Variants in PIP4P2 observed in about 807,000 individuals in gnomAD.
The protein encoded by PIP4P2 is type 2 phosphatidylinositol 4,5-bisphosphate 4-phosphatase.
Under a neutral mutation model 33.3 loss-of-function variants are expected in PIP4P2, and 19 were observed. That is an observed-to-expected ratio of 0.57 (90% CI 0.40 to 0.84). The LOEUF is 0.84. Among genes scored for constraint, PIP4P2 ranks in the 40% least tolerant of loss-of-function variants. The pLI is 0.00. For missense variants in PIP4P2, 270 were observed against 324.7 expected (o/e 0.83, Z 1.29); for synonymous variants, 110 against 111.9 (o/e 0.98, Z 0.11).
At chr8:91,032,707 G>A (rs903303614) in intron 1 of PIP4P2, among the ~76,000 whole-genome samples, 1 of 150,358 alleles carries the variant, frequency 6.7e-6, no homozygotes, top group Non-Finnish European at 1.5e-5. Context: ...CTTGAACCTA[G>A]GAGGTAGGGG....
chr8:91,009,577 T>C (rs188546949), intron 4 of PIP4P2, among the ~76,000 whole-genome samples: 18 of 152,106 alleles, frequency 1.2e-4, no homozygotes, highest in African/African-American at 4.1e-4. Context: ...TTTCTTTAAG[T>C]ACTTTGGCAG....
intron 1 of PIP4P2, among the ~76,000 whole-genome samples, chr8:91,039,234 C>T (rs1156982827): frequency 6.6e-6 from 1 of 152,126 alleles, no homozygotes; most frequent in Non-Finnish European, 1.5e-5. Flanking sequence ...GTAAAATATT[C>T]ATATCAAATT....
intron 1 of PIP4P2, among the ~76,000 whole-genome samples, chr8:91,025,043 T>A (rs189101200): frequency 7.2e-5 from 11 of 152,244 alleles, no homozygotes; most frequent in Non-Finnish European, 1.2e-4. Context: ...TCTCCTTTAA[T>A]AAATAATGAC....
chr8:91,032,780 CAAAAAAAAA>C (rs34482470), intron 1 of PIP4P2, among the ~76,000 whole-genome samples: 3 of 98,748 alleles, frequency 3.0e-5, no homozygotes, highest in African/African-American at 8.1e-5. Flanking sequence ...GAGTCTGTCT[CAAAAAAAAA>C]AAAAAAAAAA....
chr8:91,036,659 T>A (rs2130385047), intron 1 of PIP4P2, among the ~76,000 whole-genome samples: 1 of 152,344 alleles, frequency 6.6e-6, no homozygotes, highest in African/African-American at 2.4e-5. Context: ...CTCTAGCCAA[T>A]CCTCTAATTC....
rs1275582950 is a variant in PIP4P2 at position 91,020,300 on chromosome 8, C to G, written c.256-37G>C. The G allele has an allele frequency of 2.5e-6, 4 of 1,576,672 alleles. No individual in the cohort carries two copies. The East Asian group carries it at 9.0e-5, about 35-fold the overall frequency. ...AAGAAAATGCAAACACAGCAATTAA[C>G]CAAAGTACAGATTGTCAAAGTTTGT... On this transcript the variant is annotated intron_variant, in intron 2 of 6. Coordinates refer to ENST00000285419, the MANE Select transcript of PIP4P2 (RefSeq NM_018710.3).
intron 5 of PIP4P2, among the ~76,000 whole-genome samples, chr8:91,000,749 T>C (rs1226777903): frequency 1.3e-5 from 2 of 152,022 alleles, no homozygotes; most frequent in African/African-American, 4.8e-5. Flanking sequence ...TTGGATTTCA[T>C]TGTTCTTTTT....
chr8:91,018,421 AC>A lies in PIP4P2; in HGVS notation c.454del (p.Val152SerfsTer15). On this transcript the variant is annotated frameshift_variant, in exon 4 of 7. Transcript: ENST00000285419. LOFTEE classifies it high-confidence loss of function. ...TGTGTTTCCACAGTGCCCACACACG[AC>A]CCTTGTACCTTCTGGTTGGATTGGC... The part of the protein sequence containing the change: ...ALPIQPEGTR[V>X]VCGHCGNTFL... 6.2e-7 allele frequency: 1 copy of A among 1,613,956 alleles called. No homozygotes were observed.
chr8:91,008,533 G>C (rs1811790916), intron 5 of PIP4P2, among the ~76,000 whole-genome samples: 2 of 152,072 alleles, frequency 1.3e-5, no homozygotes, highest in African/African-American at 4.8e-5. Context: ...TTTCCCTTTA[G>C]ATGATGATAA....
In PIP4P2 at chr8:91,008,828, A is replaced by G. The variant is rs776653522; in HGVS notation, c.487-33T>C. 4 of 1,526,684 alleles carry G rather than the reference A, an allele frequency of 2.6e-6. No individual in the cohort carries two copies. The South Asian group carries it at 4.6e-5, about 18-fold the overall frequency. The allele number at this position is 1,526,684 out of a possible 1,614,324, so 94.6% of individuals were successfully genotyped here. A position where few individuals can be genotyped will look rare whatever the true frequency, so the allele number is the denominator to read the frequency against. On this transcript the variant is annotated intron_variant, in intron 4 of 6. Transcript: ENST00000285419. The stretch of plus-strand genomic sequence containing the variant: ...ATAAACAAAGAGAGGAATTGAAAAG[A>G]AAACAACTGAAAACTATCCAATCTG...
rs773824790 is a variant in PIP4P2, at chr8:91,018,509, G to A, written c.367C>T (p.Arg123Trp). ...RIGCPRPNCR[R>W]IINLGPVMLI... ...ATTACTGGGCCAAGGTTAATTATCC[G>A]TCTACTGTGAAAAGAGAAAGGAAAC... Residue 123 changes from arginine to tryptophan, a missense_variant, in exon 4 of 7, where the codon CGG (arginine) becomes TGG (tryptophan). By Grantham distance (101) the Arg-to-Trp change is moderately radical. Transcript: ENST00000285419. 19 of 1,612,666 alleles carry A rather than the reference G, an allele frequency of 1.2e-5. No individual in the cohort carries two copies. Among genetic ancestry groups the A allele is most frequent in the Non-Finnish European group, 1.4e-5 (17 of 1,179,660 alleles).
Position 91,040,586 on chromosome 8 carries a change from G to A in PIP4P2, c.106+58C>T, listed in dbSNP as rs1008345520. The stretch of plus-strand genomic sequence containing the variant: ...AGAGCTCCCAGGTCTTTATCCTTCT[G>A]GGCGTTTCCTTGCAAATCTACTTCC... On this transcript the variant is annotated intron_variant, in intron 1 of 6. Transcript: ENST00000285419. 1.4e-5 allele frequency: 22 copies of A among 1,584,602 alleles called. No individual in the cohort carries two copies. In the Admixed American group the frequency reaches 3.5e-4, roughly 25 times the overall value.
intron 5 of PIP4P2, among the ~76,000 whole-genome samples, chr8:90,999,642 G>C (rs1811677211): frequency 6.6e-6 from 1 of 152,052 alleles, no homozygotes; most frequent in Admixed American, 6.6e-5. Context: ...GTCAAATTCA[G>C]AGGTCTACTA....
intron 3 of PIP4P2, 49 bp from the exon 4 acceptor site, chr8:91,018,562 G>A (rs1359736758): frequency 1.9e-6 from 3 of 1,610,390 alleles, no homozygotes; most frequent in South Asian, 2.2e-5. Flanking sequence ...AATGGACTGA[G>A]AGCAAAACCT....
chr8:91,036,466 T>C (rs1159558675), intron 1 of PIP4P2, among the ~76,000 whole-genome samples: 1 of 152,188 alleles, frequency 6.6e-6, no homozygotes, highest in African/African-American at 2.4e-5. Context: ...TTCTAGGAGA[T>C]ACCCTTGACA....
At chr8:91,035,204 G>A (rs188112963) in intron 1 of PIP4P2, among the ~76,000 whole-genome samples, 136 of 152,216 alleles carry the variant, frequency 8.9e-4, no homozygotes, top group African/African-American at 2.8e-3. Context: ...TGACAATTAC[G>A]CTTCATAGAA....
At position 90,995,667 on chromosome 8, in the gene PIP4P2, A is replaced by G; in HGVS notation, c.*10T>C. ...ACACTCTCACCTGCATTACTGAATC[A>G]TAAACAAGCTTATGCAAAACTGTGT... On this transcript the variant is annotated 3_prime_UTR_variant, in exon 7 of 7. Coordinates refer to ENST00000285419, the MANE Select transcript of PIP4P2 (RefSeq NM_018710.3). 6.2e-7 allele frequency: 1 copy of G among 1,606,232 alleles called. No individual in the cohort carries two copies. Among genetic ancestry groups the G allele is most frequent in the Non-Finnish European group, 8.5e-7 (1 of 1,177,440 alleles).
intron 1 of PIP4P2, among the ~76,000 whole-genome samples, chr8:91,022,490 T>C (rs1812024420): frequency 6.6e-6 from 1 of 152,176 alleles, no homozygotes; most frequent in Non-Finnish European, 1.5e-5. Context: ...ATAGAAGACT[T>C]TTCCAAGGTA....
intron 5 of PIP4P2, among the ~76,000 whole-genome samples, chr8:91,003,423 G>C (rs1294789720): frequency 6.6e-6 from 1 of 152,122 alleles, no homozygotes; most frequent in African/African-American, 2.4e-5. Context: ...TATGGAGAAT[G>C]ATAAAAAATA....
Sources: gnomAD v4.1 joint callset for allele counts (sites outside exome capture counted in the v4.1 genomes callset) on GRCh38, gnomAD v4.1.1 for gene constraint, MANE v1.5 for transcripts, NCBI Gene and HGNC (gene_info 2026-07-23, HGNC 2026-07-21) for gene names.